NYAP2: variants seen among roughly 807,000 people sequenced by gnomAD.
The protein encoded by NYAP2 is neuronal tyrosine-phosphorylated phosphoinositide-3-kinase adaptor 2.
NYAP2 carries 23 observed loss-of-function variants against 50.4 expected under a neutral mutation model. That is an observed-to-expected ratio of 0.46 (90% CI 0.33 to 0.65). NYAP2 has a LOEUF of 0.65. Among genes scored for constraint, NYAP2 ranks in the 30% least tolerant of loss-of-function variants. The probability of loss-of-function intolerance (pLI) is 0.02; values close to 1 mark genes in which losing one functional copy is unlikely to be tolerated. For synonymous variants in NYAP2, 394 were observed against 365.2 expected, an observed-to-expected ratio of 1.08 and a Z score of -0.90; for missense variants, 885 against 861.0, an observed-to-expected ratio of 1.03 and a Z score of -0.35.
At chr2:225,593,062 T>G (rs1296825326) in intron 5 of NYAP2, among the ~76,000 whole-genome samples, 4 of 152,148 alleles carry the variant, frequency 2.6e-5, no homozygotes, top group East Asian at 3.8e-4. Flanking sequence ...TTAATTTCTG[T>G]TTTTTTAGAG....
chr2:225,515,397 T>C (rs1322394316), intron 4 of NYAP2, among the ~76,000 whole-genome samples: 1 of 152,204 alleles, frequency 6.6e-6, no homozygotes, highest in African/African-American at 2.4e-5. Flanking sequence ...AAGTAATTAA[T>C]CATTATCTTG....
chr2:225,413,128 A>C (rs1047703831), intron 3 of NYAP2, among the ~76,000 whole-genome samples: 2 of 152,136 alleles, frequency 1.3e-5, no homozygotes, highest in African/African-American at 4.8e-5. Flanking sequence ...CTAGAATTTT[A>C]ATTTAAAATA....
the NYAP2 span, chr2:225,698,135 A>T: frequency 6.6e-6 from 1 of 152,024 alleles, no homozygotes; most frequent in African/African-American, 2.4e-5. Context: ...CTGTGATTGC[A>T]TCATCGTATT....
At chr2:225,578,325 TC>T (rs1172631220) in intron 4 of NYAP2, among the ~76,000 whole-genome samples, 1 of 152,082 alleles carries the variant, frequency 6.6e-6, no homozygotes, top group African/African-American at 2.4e-5. Flanking sequence ...CATTAGGCTC[TC>T]TTCACCAAGC....
intron 6 of NYAP2, among the ~76,000 whole-genome samples, chr2:225,634,970 T>G (rs1283000551): frequency 3.9e-5 from 6 of 152,226 alleles, no homozygotes; most frequent in Non-Finnish European, 8.8e-5. Context: ...TACTGAATTT[T>G]TATCAGTTGA....
At chr2:225,416,649 C>G (rs924948260) in intron 3 of NYAP2, among the ~76,000 whole-genome samples, 16 of 152,112 alleles carry the variant, frequency 1.1e-4, no homozygotes, top group African/African-American at 3.9e-4. Context: ...TTAAAGGTGC[C>G]TGTTAGGGTA....
intron 4 of NYAP2, among the ~76,000 whole-genome samples, chr2:225,567,267 G>A (rs961939946): frequency 2.6e-5 from 4 of 152,024 alleles, no homozygotes; most frequent in African/African-American, 9.7e-5. Flanking sequence ...GGGATCCATA[G>A]CTGACTGCAC....
Position 225,562,741 on chromosome 2 carries a change from G to A in NYAP2, c.524-19200G>A, listed in dbSNP as rs181951287. Among the ~76,000 whole-genome samples the A allele has an allele frequency of 1.3e-3, 201 of 152,182 alleles. 1 individual carries two copies. Among genetic ancestry groups the A allele is most frequent in the African/African-American group, 4.4e-3 (183 of 41,544 alleles). ...AACCCAGGACACCACCCCAAACCTCGCTCCTGTTAAGATTAACTTCCTCTC... is the reference window on the plus strand; with the variant it reads ...AACCCAGGACACCACCCCAAACCTCACTCCTGTTAAGATTAACTTCCTCTC... On this transcript the variant is annotated intron_variant, in intron 4 of 6. Coordinates refer to ENST00000636099, the Ensembl canonical transcript of NYAP2.
In NYAP2 at chr2:225,549,410, T is replaced by C. The variant is rs554506755; in HGVS notation, c.524-32531T>C. Among the ~76,000 whole-genome samples, 6 of 152,262 alleles carry C rather than the reference T, an allele frequency of 3.9e-5. No individual in the cohort carries two copies. The South Asian group carries it at 1.2e-3, about 32-fold the overall frequency. On this transcript the variant is annotated intron_variant, in intron 4 of 6. Coordinates refer to ENST00000636099, the Ensembl canonical transcript of NYAP2. ...GTTAGTAAGTGCTCAGTTAAATGCT[T>C]TTTGAAAGCCTGAGTGTGTCAAGCA...
At chr2:225,590,237 C>A (rs562558345) in intron 5 of NYAP2, among the ~76,000 whole-genome samples, 2 of 152,326 alleles carry the variant, frequency 1.3e-5, no homozygotes, top group Non-Finnish European at 2.9e-5. Context: ...AGACTGGCTT[C>A]TGCCTTAGCA....
intron 6 of NYAP2, among the ~76,000 whole-genome samples, chr2:225,637,397 G>A (rs1019672449): frequency 6.6e-6 from 1 of 152,092 alleles, no homozygotes; most frequent in Non-Finnish European, 1.5e-5. Flanking sequence ...TCAGCACCGG[G>A]CAGCTGTGAA....
intron 3 of NYAP2, among the ~76,000 whole-genome samples, chr2:225,433,622 G>T (rs1303137631): frequency 6.6e-6 from 1 of 151,552 alleles, no homozygotes; most frequent in Non-Finnish European, 1.5e-5. Context: ...TGATTTAATG[G>T]TCTTCAAATA....
intron 4 of NYAP2, among the ~76,000 whole-genome samples, chr2:225,574,917 G>T (rs1361612245): frequency 1.3e-5 from 2 of 152,122 alleles, no homozygotes; most frequent in Admixed American, 6.5e-5. Context: ...TCTGAGGCTT[G>T]TTTTCATTTT....
chr2:225,471,663 T>C (rs189154500), intron 3 of NYAP2, among the ~76,000 whole-genome samples: 1 of 152,336 alleles, frequency 6.6e-6, no homozygotes, highest in Admixed American at 6.5e-5. Flanking sequence ...TTAGATAAAG[T>C]GCTTTATGTA....
chr2:225,539,484 T>G (rs1691419363), intron 4 of NYAP2, among the ~76,000 whole-genome samples: 1 of 152,244 alleles, frequency 6.6e-6, no homozygotes, highest in South Asian at 2.1e-4. Flanking sequence ...CATTCCTGTT[T>G]CTCCACATCC....
At chr2:225,440,186 A>G (rs1005394664) in intron 3 of NYAP2, among the ~76,000 whole-genome samples, 2 of 152,184 alleles carry the variant, frequency 1.3e-5, no homozygotes, top group Non-Finnish European at 2.9e-5. Context: ...ATTTTTTTAC[A>G]TGAGGCTAGC....
intron 4 of NYAP2, among the ~76,000 whole-genome samples, chr2:225,542,008 T>G (rs1174665973): frequency 6.6e-6 from 1 of 152,110 alleles, no homozygotes; most frequent in Non-Finnish European, 1.5e-5. Flanking sequence ...ATTCTTTGCT[T>G]AATTCCTAGG....
At chr2:225,409,187 A>G in intron 3 of NYAP2, 86 bp downstream of exon 3, 1 of 993,828 alleles carries the variant, frequency 1.0e-6, no homozygotes, top group Non-Finnish European at 1.5e-6. Context: ...TCACTTGGTC[A>G]GAAAAGGTCT....
At position 225,519,241 on chromosome 2, in the gene NYAP2, G is replaced by T. The variant is rs182722034; in HGVS notation, c.523+5569G>T. Among the ~76,000 whole-genome samples, 362 of 151,334 alleles carry T rather than the reference G, an allele frequency of 2.4e-3. 4 individuals are homozygous for T. Among genetic ancestry groups the T allele is most frequent in the African/African-American group, 6.3e-3 (262 of 41,320 alleles). On this transcript the variant is annotated intron_variant, in intron 4 of 6. Coordinates refer to ENST00000636099, the Ensembl canonical transcript of NYAP2. Reference sequence around the variant, plus strand: ...ATATTAACATAGTATTTAGTATAAAGAATATTTTATTTTTTTATTTTTTAT... The same window carrying T: ...ATATTAACATAGTATTTAGTATAAATAATATTTTATTTTTTTATTTTTTAT...
Sources: allele counts gnomAD v4.1 joint callset (sites outside exome capture counted in the v4.1 genomes callset), GRCh38; gene constraint gnomAD v4.1.1; transcripts MANE v1.5; gene names NCBI Gene and HGNC (gene_info 2026-07-23, HGNC 2026-07-21).